Variants in KDM5C observed in about 807,000 individuals in gnomAD.
The protein encoded by KDM5C is lysine-specific demethylase 5C.
Under a neutral mutation model 110.6 loss-of-function variants are expected in KDM5C, and 16 were observed. The ratio of observed to expected loss-of-function variants is 0.14; its 90% CI spans 0.10 to 0.22. The LOEUF is 0.22. Among genes scored for constraint, KDM5C ranks in the 10% least tolerant of loss-of-function variants. The pLI, the probability that KDM5C is intolerant of heterozygous loss-of-function variation, is 1.00. For missense variants in KDM5C, 681 were observed against 1,300.9 expected (o/e 0.52, Z 7.33); for synonymous variants, 511 against 520.4 (o/e 0.98, Z 0.24).
intron 8 of KDM5C, 112 bp downstream of exon 8, chrX:53,214,577 C>G: frequency 3.4e-6 from 3 of 894,884 alleles, no homozygotes; most frequent in Non-Finnish European, 4.7e-6. Context: ...AATCCCACCA[C>G]AGAGACCCAA....
chrX:53,189,501 G>A (rs1027659834), downstream of KDM5C, among the ~76,000 whole-genome samples: 1 of 112,456 alleles, frequency 8.9e-6, no homozygotes, highest in Non-Finnish European at 1.9e-5. Context: ...TGAGTGCCCA[G>A]GGGCAAGAAC....
chrX:53,194,083 G>T, intron 23 of KDM5C, 56 bp downstream of exon 23: 1 of 1,170,934 alleles, frequency 8.5e-7, no homozygotes, highest in Non-Finnish European at 1.1e-6. Flanking sequence ...AGCCTAAACT[G>T]GGGTAGGGGC....
intron 12 of KDM5C, among the ~76,000 whole-genome samples, chrX:53,207,954 G>A (rs868917915): frequency 1.1e-5 from 1 of 91,900 alleles, no homozygotes; most frequent in African/African-American, 4.2e-5. Context: ...GGGTGACAGA[G>A]CGAGACTCTG....
intron 7 of KDM5C, 141 bp from the exon 8 acceptor site, chrX:53,214,988 T>C: frequency 1.6e-6 from 1 of 633,833 alleles, no homozygotes. Flanking sequence ...AATAAGCAGG[T>C]AGAGCTGCAA....
chrX:53,204,656 C>T (rs1327124888), intron 12 of KDM5C, among the ~76,000 whole-genome samples: 1 of 111,220 alleles, frequency 9.0e-6, no homozygotes, highest in African/African-American at 3.3e-5. Flanking sequence ...GCCACCATGC[C>T]CGGCTAATTT....
Position 53,193,612 on chromosome X carries a change from A to G in KDM5C, c.4142T>C (p.Leu1381Ser). The change falls in exon 25 of 26, where the codon TTG (leucine) becomes TCG (serine). Residue 1381 changes from leucine to serine, a missense_variant. Transcript: ENST00000375401. The part of the protein sequence containing the change: ...KRDLELLSSL[L>S]PQLTGPVLEL... Reference sequence around the variant, plus strand: ...CAACACAGGGCCAGTCAACTGTGGCAACAGCGAGGACAGCAGCTCCAGATC... The same window carrying G: ...CAACACAGGGCCAGTCAACTGTGGCGACAGCGAGGACAGCAGCTCCAGATC... 3 of 1,211,943 alleles carry G rather than the reference A, an allele frequency of 2.5e-6. No homozygotes were observed. The highest frequency in any genetic ancestry group is 3.4e-6 in the Non-Finnish European group (3 of 895,514).
At chrX:53,202,724 G>A (rs2073181527) in intron 12 of KDM5C, 1 of 111,837 alleles carries the variant, frequency 8.9e-6, no homozygotes, top group Non-Finnish European at 1.9e-5. Context: ...ACAGTTTCCT[G>A]AGAAATGGTG....
chrX:53,208,069 G>T (rs1385232294), intron 12 of KDM5C, among the ~76,000 whole-genome samples: 5 of 27,985 alleles, frequency 1.8e-4, no homozygotes, highest in Non-Finnish European at 4.2e-4. Context: ...TGGGGTGATG[G>T]GGGCAGGGAG....
Position 53,192,769 on chromosome X carries a change from G to A in KDM5C, c.*198C>T. 8.6e-7 allele frequency: 1 copy of A among 1,157,552 alleles called. No homozygotes were observed. Among genetic ancestry groups the A allele is most frequent in the Non-Finnish European group, 1.2e-6 (1 of 868,057 alleles). On this transcript the variant is annotated 3_prime_UTR_variant, in exon 26 of 26. Coordinates refer to ENST00000375401, the MANE Select transcript of KDM5C (RefSeq NM_004187.5). ...CTACCAGGGAGGGAAGACTCCAGGG[G>A]CCGGCCCCCAGGAGCTGAGGTCTGA... is the stretch of plus-strand genomic sequence containing the variant.
Position 53,196,041 on chromosome X carries a change from G to A in KDM5C, c.2995C>T (p.Pro999Ser), listed in dbSNP as rs1602166869. Residue 999 changes from proline to serine, a missense_variant, in exon 20 of 26, where the codon CCA (proline) becomes TCA (serine). Pro to Ser is a moderately conservative substitution (Grantham distance 74, BLOSUM62 -1). This residue lies in a region of KDM5C where 66 missense variants were observed against 162.9 expected (regional missense o/e 0.41). Coordinates refer to ENST00000375401, the MANE Select transcript of KDM5C (RefSeq NM_004187.5). ...CGGATTATGGCCTCAAGTGTGGCTGGTGGATGCTTCTGCCTAAAGGTAAGG... is the reference window on the plus strand; with the variant it reads ...CGGATTATGGCCTCAAGTGTGGCTGATGGATGCTTCTGCCTAAAGGTAAGG... The part of the protein sequence containing the change: ...LCLEARQKHP[P>S]ATLEAIIREA... The A allele has an allele frequency of 8.2e-7, 1 of 1,212,129 alleles. No individual in the cohort carries two copies. The highest frequency in any genetic ancestry group is 1.1e-6 in the Non-Finnish European group (1 of 895,464).
At position 53,193,267 on chromosome X, in the gene KDM5C, C is replaced by A; in HGVS notation, c.4383G>T (p.Arg1461=). 8.3e-7 allele frequency: 1 copy of A among 1,207,425 alleles called. No individual in the cohort carries two copies. The highest frequency in any genetic ancestry group is 1.1e-6 in the Non-Finnish European group (1 of 894,449). The change falls in exon 26 of 26, where the codon CGG becomes CGT. Residue 1461 remains arginine, a synonymous_variant. Transcript: ENST00000375401. ...RGRALERRRR[R]KVDRGGEGDD... is the part of the protein sequence containing the mutation. ...CGCCCTCCCCACCCCGATCCACCTT[C>A]CGCCGCCGCCGCCTCTCCAGGGCCC...
intron 1 of KDM5C, among the ~76,000 whole-genome samples, chrX:53,224,097 C>T (rs781870735): frequency 2.0e-3 from 219 of 112,099 alleles, no homozygotes; most frequent in African/African-American, 6.9e-3. Context: ...ATGAGTCAAC[C>T]TACATAGGAA....
intron 12 of KDM5C, 62 bp from the exon 13 acceptor site, chrX:53,202,035 T>G: frequency 8.5e-7 from 1 of 1,177,380 alleles, no homozygotes. Context: ...AGACCTGACT[T>G]AAGTGCAAGG....
At chrX:53,203,805 C>T (rs1480247859) in intron 12 of KDM5C, among the ~76,000 whole-genome samples, 1 of 107,426 alleles carries the variant, frequency 9.3e-6, no homozygotes, top group Admixed American at 1.0e-4. Flanking sequence ...CTCACTTTGT[C>T]GCCCAGGCTA....
In KDM5C at chrX:53,193,310, C is replaced by T; in HGVS notation, c.4340G>A (p.Gly1447Glu). ...LLELEKAERH[G>E]SRARGRALER... The stretch of plus-strand genomic sequence containing the variant: ...CAGGGCCCGGCCCCGAGCCCGACTC[C>T]CGTGACGCTCTGCCTTCTCCAGCTG... The change falls in exon 26 of 26, where the codon GGG becomes GAG. Residue 1447 changes from glycine (G) to glutamate (E), a missense_variant. By Grantham distance (98) the Gly-to-Glu change is moderately conservative. Transcript: ENST00000375401. The T allele has an allele frequency of 1.7e-6, 2 of 1,210,897 alleles. No individual in the cohort carries two copies. Among genetic ancestry groups the T allele is most frequent in the African/African-American group, 3.5e-5 (2 of 57,868 alleles).
At chrX:53,209,291 A>G (rs782267210) in intron 12 of KDM5C, among the ~76,000 whole-genome samples, 2 of 111,410 alleles carry the variant, frequency 1.8e-5, no homozygotes, top group Admixed American at 9.6e-5. Flanking sequence ...AGAGAAAAGG[A>G]TAACTCCCTG....
At chrX:53,192,050 G>T (rs181863424), downstream of KDM5C, 478 of 131,911 alleles carry the variant, frequency 3.6e-3, 2 homozygotes, top group African/African-American at 0.016. Context: ...AGAACCCAGA[G>T]CTCCCTGGCT....
At chrX:53,205,146 T>A (rs1409541050) in intron 12 of KDM5C, among the ~76,000 whole-genome samples, 1 of 112,373 alleles carries the variant, frequency 8.9e-6, no homozygotes, top group Non-Finnish European at 1.9e-5. Flanking sequence ...CAAAGCTTTT[T>A]AAGATAAACA....
chrX:53,218,211 G>C, intron 3 of KDM5C, 65 bp downstream of exon 3: 1 of 1,194,248 alleles, frequency 8.4e-7, no homozygotes, highest in East Asian at 3.0e-5. Flanking sequence ...AACTAAGGGG[G>C]CCCCCAGAGT....
Sources: allele counts gnomAD v4.1 joint callset (sites outside exome capture counted in the v4.1 genomes callset), GRCh38; gene constraint gnomAD v4.1.1; regional missense constraint gnomAD v4.1.1; transcripts MANE v1.5; gene names NCBI Gene and HGNC (gene_info 2026-07-23, HGNC 2026-07-21).